The following CACNA2D4 variants were observed in gnomAD, a reference collection of about 807,000 sequenced individuals.
CACNA2D4 encodes voltage-dependent calcium channel subunit alpha-2/delta-4.
Under a neutral mutation model 163.8 loss-of-function variants are expected in CACNA2D4, and 157 were observed. The observed-to-expected ratio is 0.96, with a 90% CI of 0.84 to 1.09. The LOEUF is 1.09. CACNA2D4 is among the 50% of genes least tolerant of loss of function. The probability of loss-of-function intolerance (pLI) is 0.00; values close to 1 mark genes in which losing one functional copy is unlikely to be tolerated. For missense variants in CACNA2D4, 1,410 were observed against 1,479.9 expected (o/e 0.95, Z 0.78); for synonymous variants, 598 against 586.9 (o/e 1.02, Z -0.27).
At chr12:1,884,646 AG>A (rs1866089553) in intron 11 of CACNA2D4, 121 bp downstream of exon 11, 1 of 684,690 alleles carries the variant, frequency 1.5e-6, no homozygotes, top group Non-Finnish European at 2.5e-6. Flanking sequence ...TCTGAAAGCA[AG>A]AATGGCTCTA....
At position 1,869,571 on chromosome 12, in the gene CACNA2D4, G is replaced by A. The variant is rs1032818065; in HGVS notation, c.1878+5033C>T. Among the ~76,000 whole-genome samples the A allele has an allele frequency of 7.9e-5, 12 of 152,162 alleles. No individual in the cohort carries two copies. The highest frequency in any genetic ancestry group is 1.9e-4 in the East Asian group (1 of 5,204). On this transcript the variant is annotated intron_variant, in intron 18 of 37. Coordinates refer to ENST00000382722, the MANE Select transcript of CACNA2D4 (RefSeq NM_172364.5). The surrounding 1 kb of genome is among the most constrained non-coding windows in gnomAD (Gnocchi z 4.7). ...TGTTTTTCCTCTTGAGTTCCAGTTC[G>A]TTCTTGCTTTCTTCCACATCTCATC...
Position 1,844,633 on chromosome 12 carries a change from T to C in CACNA2D4, c.2343-104A>G. On this transcript the variant is annotated intron_variant, in intron 24 of 37. Transcript: ENST00000382722. The surrounding 1 kb of genome is among the most constrained non-coding windows in gnomAD (Gnocchi z 4.2). The stretch of plus-strand genomic sequence containing the variant: ...AACTTGGCTGGGCTAAGAGAGTGAT[T>C]TTAGCCCCTAAATTAGTACGGCCCC... The C allele has an allele frequency of 8.0e-7, 1 of 1,252,338 alleles. No homozygotes were observed. Among genetic ancestry groups the C allele is most frequent in the Non-Finnish European group, 1.1e-6 (1 of 895,036 alleles). 77.6% of individuals were successfully genotyped at this position (1,252,338 alleles called of 1,614,324 possible).
At chr12:1,797,764 A>C in intron 34 of CACNA2D4, 1 of 584,614 alleles carries the variant, frequency 1.7e-6, no homozygotes, top group Non-Finnish European at 3.0e-6. Context: ...AGGGGCCCTG[A>C]GCCTCGGTGG....
rs183056456 is a variant in CACNA2D4 at position 1,807,917 on chromosome 12, C to T, written c.2721+2361G>A. ...TCATTTCATGGAGGGTTTGGGATGG[C>T]ATATAAAACTACACACGGGGTAAAA... On this transcript the variant is annotated intron_variant, in intron 29 of 37. Coordinates refer to ENST00000382722, the MANE Select transcript of CACNA2D4 (RefSeq NM_172364.5). 6.4e-3 allele frequency among the ~76,000 whole-genome samples: 977 copies of T among 152,190 alleles called. 10 individuals are homozygous for T. The highest frequency in any genetic ancestry group is 0.022 in the African/African-American group (915 of 41,530).
intron 18 of CACNA2D4, among the ~76,000 whole-genome samples, chr12:1,865,769 G>T: frequency 6.6e-6 from 1 of 152,212 alleles, no homozygotes; most frequent in East Asian, 1.9e-4. Flanking sequence ...CGGTTGCGGG[G>T]CGCTGGCCTG....
intron 26 of CACNA2D4, among the ~76,000 whole-genome samples, chr12:1,832,956 G>T (rs1234220870): frequency 6.6e-6 from 1 of 152,224 alleles, no homozygotes; most frequent in East Asian, 1.9e-4. Context: ...TCCCCAGGCA[G>T]CACTGATACG....
chr12:1,863,973 G>A (rs1380339385), intron 18 of CACNA2D4, among the ~76,000 whole-genome samples: 1 of 152,184 alleles, frequency 6.6e-6, no homozygotes, highest in Non-Finnish European at 1.5e-5. Flanking sequence ...TTTCGGAAAT[G>A]CGGGAGGACA....
intron 6 of CACNA2D4, among the ~76,000 whole-genome samples, chr12:1,889,412 A>T (rs989816005): frequency 2.6e-5 from 4 of 152,196 alleles, no homozygotes; most frequent in African/African-American, 9.6e-5. Context: ...AATAGAATGG[A>T]AGTCTAGAAT....
At chr12:1,822,321 G>A (rs879397288) in intron 26 of CACNA2D4, among the ~76,000 whole-genome samples, 10 of 152,134 alleles carry the variant, frequency 6.6e-5, no homozygotes, top group Admixed American at 1.3e-4. Flanking sequence ...TGGCATGTAT[G>A]TGATGGTTGG....
At position 1,793,873 on chromosome 12, in the gene CACNA2D4, A is replaced by G. The variant is rs1275273097; in HGVS notation, c.3310-114T>C. 6.8e-5 allele frequency: 53 copies of G among 775,444 alleles called. No individual in the cohort carries two copies. In the South Asian group the frequency reaches 7.7e-4, roughly 11 times the overall value. The allele number at this position is 775,444 out of a possible 1,614,324, so 48.0% of individuals were successfully genotyped here. A position where few individuals can be genotyped will look rare whatever the true frequency, so the allele number is the denominator to read the frequency against. ...TCCTGGGGAAAGGGGAGTTTTGGAA[A>G]GCCGGGGAAGCACTGCTACCTCTCT... On this transcript the variant is annotated intron_variant, in intron 37 of 37. Coordinates refer to ENST00000382722, the MANE Select transcript of CACNA2D4 (RefSeq NM_172364.5).
intron 20 of CACNA2D4, among the ~76,000 whole-genome samples, chr12:1,858,041 G>C (rs1473797414): frequency 6.6e-6 from 1 of 152,184 alleles, no homozygotes; most frequent in Non-Finnish European, 1.5e-5. Flanking sequence ...GAAGAGGTGA[G>C]CGAGGACTCC....
At chr12:1,801,244 A>C (rs577461066) in intron 30 of CACNA2D4, 126 bp from the exon 31 acceptor site, 1 of 757,858 alleles carries the variant, frequency 1.3e-6, no homozygotes, top group African/African-American at 1.7e-5. Flanking sequence ...CTAGGACAGC[A>C]GATCAGAATA....
At chr12:1,841,718 G>A (rs1445219281) in intron 25 of CACNA2D4, among the ~76,000 whole-genome samples, 3 of 152,318 alleles carry the variant, frequency 2.0e-5, no homozygotes, top group African/African-American at 7.2e-5. Context: ...GTCAAATGTT[G>A]CCTGAAGCAA....
In CACNA2D4 at chr12:1,806,608, C is replaced by G. The variant is rs920276667; in HGVS notation, c.2721+3670G>C. ...TCGCTGGAAGCCTTTGACATATTTG[C>G]CTAGTCAGGAAAGTGACAGCAGCCA... On this transcript the variant is annotated intron_variant, in intron 29 of 37. Coordinates refer to ENST00000382722, the MANE Select transcript of CACNA2D4 (RefSeq NM_172364.5). The surrounding 1 kb of genome is among the most constrained non-coding windows in gnomAD (Gnocchi z 4.1). 1.4e-4 allele frequency among the ~76,000 whole-genome samples: 22 copies of G among 152,202 alleles called. No homozygotes were observed. Among genetic ancestry groups the G allele is most frequent in the Admixed American group, 1.2e-3 (19 of 15,282 alleles).
At chr12:1,850,936 G>A (rs1865264408) in intron 23 of CACNA2D4, among the ~76,000 whole-genome samples, 1 of 152,060 alleles carries the variant, frequency 6.6e-6, no homozygotes, top group African/African-American at 2.4e-5. Context: ...AGGCAGGAGT[G>A]TGGTGACATG....
At chr12:1,904,741 T>C (rs77020445) in intron 6 of CACNA2D4, among the ~76,000 whole-genome samples, 1 of 152,030 alleles carries the variant, frequency 6.6e-6, no homozygotes, top group African/African-American at 2.4e-5. Flanking sequence ...AAAATAACTA[T>C]AGAATACATA....
chr12:1,828,941 G>A lies in CACNA2D4; in HGVS notation c.2551+11798C>T, dbSNP rs114740665. Among the ~76,000 whole-genome samples, 1,337 of 152,332 alleles carry A rather than the reference G, an allele frequency of 8.8e-3. 19 individuals carry two copies. The highest frequency in any genetic ancestry group is 0.03 in the African/African-American group (1,259 of 41,572). On this transcript the variant is annotated intron_variant, in intron 26 of 37. Transcript: ENST00000382722. This position sits in a 1 kb window ranked among gnomAD's most constrained non-coding sequence, Gnocchi z 4.2. The stretch of plus-strand genomic sequence containing the variant: ...AGGGCTGGTCTGCCCAAGGCTACAC[G>A]GTGGCAGGGAGGAAACGGTCCCGCG...
In CACNA2D4 at chr12:1,802,087, C is replaced by T. The variant is rs1369788098; in HGVS notation, c.2722-443G>A. The stretch of plus-strand genomic sequence containing the variant: ...GGGTCAGATATAAAACACGTTTCTG[C>T]AGGTCAAGGTCAGAAGCAGCGCCTG... On this transcript the variant is annotated intron_variant, in intron 29 of 37. Transcript: ENST00000382722. The surrounding 1 kb of genome is among the most constrained non-coding windows in gnomAD (Gnocchi z 4.7). Among the ~76,000 whole-genome samples the T allele has an allele frequency of 6.7e-6, 1 of 149,186 alleles. No homozygotes were observed. The highest frequency in any genetic ancestry group is 1.5e-5 in the Non-Finnish European group (1 of 67,590).
rs369847162 is a variant in CACNA2D4 at position 1,828,327 on chromosome 12, C to T, written c.2551+12412G>A. The T allele has an allele frequency of 2.3e-4, 217 of 949,902 alleles. No individual in the cohort carries two copies. Among genetic ancestry groups the T allele is most frequent in the South Asian group, 3.7e-4 (19 of 51,844 alleles). The allele number at this position is 949,902 out of a possible 1,614,324, so 58.8% of individuals were successfully genotyped here. On this transcript the variant is annotated intron_variant, in intron 26 of 37. Coordinates refer to ENST00000382722, the MANE Select transcript of CACNA2D4 (RefSeq NM_172364.5). This position sits in a 1 kb window ranked among gnomAD's most constrained non-coding sequence, Gnocchi z 4.2. ...CACACTCAGGCTGCAGGGAGGCCTA[C>T]GCCAGATCTTCCTGGGGTACCCGAG...
Sources: gnomAD v4.1 joint callset for allele counts (sites outside exome capture counted in the v4.1 genomes callset) on GRCh38, gnomAD v4.1.1 for gene constraint, Gnocchi (gnomAD v3.1) non-coding constraint, MANE v1.5 for transcripts, NCBI Gene and HGNC (gene_info 2026-07-23, HGNC 2026-07-21) for gene names.